SNX9: variants seen among roughly 807,000 people sequenced by gnomAD.
SNX9 encodes sorting nexin 9.
In SNX9, 44 loss-of-function variants were observed where a neutral mutation model predicts 89.4. The observed-to-expected ratio is 0.49, with a 90% CI of 0.39 to 0.63. The LOEUF is 0.63. Ranked by LOEUF, SNX9 falls within the 30% of genes least tolerant of loss-of-function variation. SNX9 has a pLI of 0.00. For missense variants in SNX9, 578 were observed against 736.1 expected (o/e 0.79, Z 2.49); for synonymous variants, 236 against 247.8 (o/e 0.95, Z 0.45).
intron 2 of SNX9, among the ~76,000 whole-genome samples, chr6:157,870,133 A>ATGTGAGCACACACACCCCTCACTCACC (rs1782365098): frequency 6.7e-6 from 1 of 148,824 alleles, no homozygotes; most frequent in Non-Finnish European, 1.5e-5. Flanking sequence ...GCACTCACAC[A>ATGTGAGCACACACACCCCTCACTCACC]TGTGAGCACA....
Position 157,932,260 on chromosome 6 carries a change from A to C in SNX9, c.1354A>C (p.Ser452Arg), listed in dbSNP as rs1034575812. The change falls in exon 13 of 18, where the codon AGT becomes CGT. Residue 452 changes from serine (S) to arginine (R), a missense_variant. Ser to Arg is a moderately radical substitution (Grantham distance 110). Coordinates refer to ENST00000392185, the MANE Select transcript of SNX9 (RefSeq NM_016224.5). ...LQSLATVFSS[S>R]GYQGETDLND... ...GAGTTTGGCCACAGTGTTCAGTTCCAGTGGCTATCAAGGTGCGTCTTTCTT... is the reference window on the plus strand; with the variant it reads ...GAGTTTGGCCACAGTGTTCAGTTCCCGTGGCTATCAAGGTGCGTCTTTCTT... 1.2e-6 allele frequency: 2 copies of C among 1,614,022 alleles called. No individual in the cohort carries two copies. The highest frequency in any genetic ancestry group is 2.7e-5 in the African/African-American group (2 of 74,932).
chr6:157,927,468 G>C (rs1783718496), intron 11 of SNX9, among the ~76,000 whole-genome samples: 4 of 152,156 alleles, frequency 2.6e-5, no homozygotes, highest in Non-Finnish European at 5.9e-5. Context: ...GTGCTGAGTA[G>C]CTGTTTCCAA....
At chr6:157,890,470 TA>T (rs1478226852) in intron 4 of SNX9, among the ~76,000 whole-genome samples, 1 of 152,234 alleles carries the variant, frequency 6.6e-6, no homozygotes, top group African/African-American at 2.4e-5. Flanking sequence ...TTTAGAACGT[TA>T]AACCAGCAAA....
At position 157,823,895 on chromosome 6, in the gene SNX9, G is replaced by A. The variant is rs1781289455; in HGVS notation, c.12+449G>A. 6.6e-6 allele frequency among the ~76,000 whole-genome samples: 1 copy of A among 151,908 alleles called. No homozygotes were observed. The highest frequency in any genetic ancestry group is 2.4e-5 in the African/African-American group (1 of 41,430). ...GGACCCTCGCCCCCGCGGGGCGGGT[G>A]GGGGTCGAGACCTCGGCGGAGAGGA... On this transcript the variant is annotated intron_variant, in intron 1 of 17. Transcript: ENST00000392185. This position sits in a 1 kb window ranked among gnomAD's most constrained non-coding sequence, Gnocchi z 4.6.
At chr6:157,826,502 G>GAAAA (rs760974913) in intron 1 of SNX9, among the ~76,000 whole-genome samples, 1 of 78,040 alleles carries the variant, frequency 1.3e-5, no homozygotes. Context: ...TCCATCTCAA[G>GAAAA]AAAAAAAAAA....
intron 9 of SNX9, 52 bp downstream of exon 9, chr6:157,910,077 A>G (rs749949034): frequency 2.2e-6 from 3 of 1,394,354 alleles, no homozygotes; most frequent in East Asian, 2.3e-5. Context: ...GACTCCAGTC[A>G]GATTATCTTC....
At chr6:157,844,352 G>T (rs181853300) in intron 1 of SNX9, among the ~76,000 whole-genome samples, 2 of 152,270 alleles carry the variant, frequency 1.3e-5, no homozygotes, top group African/African-American at 4.8e-5. Flanking sequence ...TGATTGGTCA[G>T]GGGTGAAATC....
intron 9 of SNX9, among the ~76,000 whole-genome samples, chr6:157,915,224 A>ACCTACTT (rs1252997434): frequency 3.3e-5 from 5 of 152,210 alleles, no homozygotes; most frequent in Non-Finnish European, 5.9e-5. Flanking sequence ...TAAATCAAGT[A>ACCTACTT]GCGTGAATCC....
At chr6:157,841,133 G>A (rs1583193838) in intron 1 of SNX9, among the ~76,000 whole-genome samples, 1 of 152,290 alleles carries the variant, frequency 6.6e-6, no homozygotes, top group African/African-American at 2.4e-5. Context: ...GCTGTTATGG[G>A]CTAAGAAGAA....
chr6:157,899,198 T>C lies in SNX9; in HGVS notation c.472+2200T>C, dbSNP rs368982704. The stretch of plus-strand genomic sequence containing the variant: ...ATAGTAGCTACTGATGCTGCTTAAT[T>C]ACTTCTTCACTCTCATCTTTTTCTC... On this transcript the variant is annotated intron_variant, in intron 5 of 17. Transcript: ENST00000392185. Among the ~76,000 whole-genome samples, 10 of 152,140 alleles carry C rather than the reference T, an allele frequency of 6.6e-5. No homozygotes were observed. In the East Asian group the frequency reaches 1.7e-3, roughly 26 times the overall value.
intron 12 of SNX9, 69 bp from the exon 13 acceptor site, chr6:157,932,126 T>C (rs983141901): frequency 6.5e-6 from 9 of 1,377,080 alleles, no homozygotes; most frequent in African/African-American, 5.7e-5. Context: ...GTAATCACTT[T>C]TAGGAAATAG....
intron 12 of SNX9, among the ~76,000 whole-genome samples, chr6:157,929,585 C>T (rs1486486922): frequency 3.3e-5 from 5 of 152,186 alleles, no homozygotes; most frequent in African/African-American, 1.2e-4. Context: ...TAACACCATA[C>T]AGGAATATTG....
chr6:157,919,899 A>G (rs1246046102), intron 9 of SNX9, among the ~76,000 whole-genome samples: 4 of 143,572 alleles, frequency 2.8e-5, no homozygotes, highest in African/African-American at 1.0e-4. Context: ...TTTGTTAAGT[A>G]ACTTGCCTAA....
At chr6:157,856,473 T>C (rs1782014054) in intron 1 of SNX9, among the ~76,000 whole-genome samples, 2 of 152,222 alleles carry the variant, frequency 1.3e-5, no homozygotes, top group Admixed American at 1.3e-4. Context: ...AAGAGGAAAG[T>C]CTTTTAAGAA....
At chr6:157,850,827 G>C (rs1781896104) in intron 1 of SNX9, among the ~76,000 whole-genome samples, 1 of 152,238 alleles carries the variant, frequency 6.6e-6, no homozygotes, top group Non-Finnish European at 1.5e-5. Flanking sequence ...GCTGCCAGGG[G>C]CTGGGCCTGT....
intron 1 of SNX9, among the ~76,000 whole-genome samples, chr6:157,837,401 G>A (rs1285457084): frequency 7.9e-5 from 12 of 152,110 alleles, no homozygotes; most frequent in African/African-American, 1.9e-4. Context: ...TGTTCCTACC[G>A]TGATTATATA....
chr6:157,862,092 T>C (rs1232435278), intron 1 of SNX9, among the ~76,000 whole-genome samples: 11 of 152,232 alleles, frequency 7.2e-5, no homozygotes. Context: ...ATTGTTTATT[T>C]CTGGAATTTT....
chr6:157,834,751 A>G (rs1377393101), intron 1 of SNX9, among the ~76,000 whole-genome samples: 3 of 152,134 alleles, frequency 2.0e-5, no homozygotes, highest in Non-Finnish European at 4.4e-5. Flanking sequence ...AGTTTTGGGC[A>G]TGCTCTGGTG....
intron 9 of SNX9, among the ~76,000 whole-genome samples, chr6:157,911,776 A>C (rs1475858830): frequency 6.6e-6 from 1 of 152,282 alleles, no homozygotes; most frequent in South Asian, 2.1e-4. Context: ...ACTTTGTTTT[A>C]TGTTTATTTT....
Sources: gnomAD v4.1 joint callset for allele counts (sites outside exome capture counted in the v4.1 genomes callset) on GRCh38, gnomAD v4.1.1 for gene constraint, Gnocchi (gnomAD v3.1) non-coding constraint, MANE v1.5 for transcripts, NCBI Gene and HGNC (gene_info 2026-07-23, HGNC 2026-07-21) for gene names.